Variants in ETV6 observed in about 807,000 individuals in gnomAD.
The protein encoded by ETV6 is transcription factor ETV6.
In ETV6, 16 loss-of-function variants were observed where a neutral mutation model predicts 51.1. The ratio of observed to expected loss-of-function variants is 0.31; its 90% confidence interval spans 0.21 to 0.48. The LOEUF (loss-of-function observed/expected upper bound fraction) is 0.48, where lower values mean the gene tolerates loss of function less well. Ranked by LOEUF, ETV6 falls within the 20% of genes least tolerant of loss-of-function variation. ETV6 has a pLI of 0.99. For synonymous variants in ETV6, 240 were observed against 224.1 expected (o/e 1.07, Z -0.64); for missense variants, 458 against 594.8 (o/e 0.77, Z 2.39).
chr12:11,877,269 T>A (rs1947004640), intron 5 of ETV6, among the ~76,000 whole-genome samples: 1 of 151,874 alleles, frequency 6.6e-6, no homozygotes, highest in African/African-American at 2.4e-5. Flanking sequence ...TGTTTAATGC[T>A]GCTGTGAATT....
intron 1 of ETV6, among the ~76,000 whole-genome samples, chr12:11,654,842 A>G (rs1863971193): frequency 6.6e-6 from 1 of 152,182 alleles, no homozygotes; most frequent in Admixed American, 6.5e-5. Flanking sequence ...TCTTTTATCA[A>G]GGGTCAGACA....
At chr12:11,847,040 C>T (rs774794156) in intron 3 of ETV6, among the ~76,000 whole-genome samples, 6 of 151,968 alleles carry the variant, frequency 3.9e-5, no homozygotes, top group Non-Finnish European at 7.4e-5. Context: ...TGGCAAGGTG[C>T]GGCGGTGAAA....
chr12:11,892,910 G>C lies in ETV6; in HGVS notation c.*1864G>C. On this transcript the variant is annotated 3_prime_UTR_variant, in exon 8 of 8. Coordinates refer to ENST00000396373, the MANE Select transcript of ETV6 (RefSeq NM_001987.5). ...GCTGATCAAGGCTCTCTTCAGCCTT[G>C]CTCTGTCCCTGCCTCTTATCAGAGC... is the stretch of plus-strand genomic sequence containing the variant. The C allele has an allele frequency of 8.6e-6, 2 of 233,036 alleles. No homozygotes were observed. The highest frequency in any genetic ancestry group is 1.7e-5 in the Non-Finnish European group (2 of 117,920). The allele number at this position is 233,036 out of a possible 1,614,324, so 14.4% of individuals were successfully genotyped here. A position where few individuals can be genotyped will look rare whatever the true frequency, so the allele number is the denominator to read the frequency against.
At chr12:11,734,192 A>G (rs1865657695) in intron 1 of ETV6, among the ~76,000 whole-genome samples, 1 of 152,232 alleles carries the variant, frequency 6.6e-6, no homozygotes. Flanking sequence ...TGAAAGTGAT[A>G]TAAACTCCAT....
intron 2 of ETV6, among the ~76,000 whole-genome samples, chr12:11,794,447 G>A (rs1013100496): frequency 6.6e-6 from 1 of 152,182 alleles, no homozygotes; most frequent in Admixed American, 6.5e-5. Context: ...CCTCTCTGCT[G>A]CCTCCGTACT....
At position 11,885,905 on chromosome 12, in the gene ETV6, C is replaced by T. The variant is rs1229296756; in HGVS notation, c.1153-21C>T. The T allele has an allele frequency of 1.9e-6, 3 of 1,576,630 alleles. No individual in the cohort carries two copies. The Admixed American group carries it at 5.1e-5, about 27-fold the overall frequency. Reference sequence around the variant, plus strand: ...TTGTGTCTTTGTGCTTTTTTTCTCCCTTCCTCCTTTGAACAAACAGAACAG... The same window carrying T: ...TTGTGTCTTTGTGCTTTTTTTCTCCTTTCCTCCTTTGAACAAACAGAACAG... On this transcript the variant is annotated intron_variant, in intron 6 of 7. Transcript: ENST00000396373.
At chr12:11,702,878 G>C (rs1865010158) in intron 1 of ETV6, among the ~76,000 whole-genome samples, 2 of 152,094 alleles carry the variant, frequency 1.3e-5, no homozygotes, top group African/African-American at 4.8e-5. Flanking sequence ...GGCTGAGCCG[G>C]GTAGATCGCT....
At position 11,894,792 on chromosome 12, in the gene ETV6, T is replaced by C. The variant is rs536412193; in HGVS notation, c.*3746T>C. The stretch of plus-strand genomic sequence containing the variant: ...TGACTTGCCCTAGGAGCAGACAGCA[T>C]GCCAAGAATGGAATTAGGCTCAGGA... On this transcript the variant is annotated 3_prime_UTR_variant, in exon 8 of 8. Coordinates refer to ENST00000396373, the MANE Select transcript of ETV6 (RefSeq NM_001987.5). The C allele has an allele frequency of 1.6e-4, 38 of 233,432 alleles. No individual in the cohort carries two copies. Among genetic ancestry groups the C allele is most frequent in the African/African-American group, 8.1e-4 (37 of 45,450 alleles). 14.5% of individuals were successfully genotyped at this position (233,432 alleles called of 1,614,324 possible). A position where few individuals can be genotyped will look rare whatever the true frequency, so the allele number is the denominator to read the frequency against.
intron 1 of ETV6, among the ~76,000 whole-genome samples, chr12:11,727,547 G>A (rs1379208644): frequency 6.6e-6 from 1 of 152,226 alleles, no homozygotes; most frequent in Non-Finnish European, 1.5e-5. Context: ...CAGAGAAGAA[G>A]AAGTAAGACC....
At chr12:11,729,786 A>AT (rs971822557) in intron 1 of ETV6, among the ~76,000 whole-genome samples, 1 of 152,162 alleles carries the variant, frequency 6.6e-6, no homozygotes, top group African/African-American at 2.4e-5. Flanking sequence ...TCTTTAAAAA[A>AT]TTTTTTTATC....
intron 2 of ETV6, among the ~76,000 whole-genome samples, chr12:11,767,240 A>G (rs917746145): frequency 6.6e-6 from 1 of 152,206 alleles, no homozygotes; most frequent in African/African-American, 2.4e-5. Context: ...CCTTATCTCT[A>G]AAATGGGTAC....
At chr12:11,859,131 T>C (rs1229970447) in intron 4 of ETV6, among the ~76,000 whole-genome samples, 914 of 47,212 alleles carry the variant, frequency 0.019, 317 homozygotes, top group Non-Finnish European at 0.027. Context: ...TTTTTTTTTT[T>C]TTTTTTTTTT....
chr12:11,781,985 T>A (rs865779583), intron 2 of ETV6, among the ~76,000 whole-genome samples: 1 of 152,226 alleles, frequency 6.6e-6, no homozygotes, highest in Non-Finnish European at 1.5e-5. Flanking sequence ...TTAACAAGTA[T>A]ATTGTGATTA....
rs531422050 is a variant in ETV6, at chr12:11,852,771, CAACTATT to C, written c.329-653_329-647del. 3.6e-4 allele frequency among the ~76,000 whole-genome samples: 55 copies of C among 152,304 alleles called. 1 individual carries two copies. Among genetic ancestry groups the C allele is most frequent in the South Asian group, 3.5e-3 (17 of 4,822 alleles). On this transcript the variant is annotated intron_variant, in intron 3 of 7. Coordinates refer to ENST00000396373, the MANE Select transcript of ETV6 (RefSeq NM_001987.5). Reference sequence around the variant, plus strand: ...TAATGTGGAGGGAAAAGAGGATACTCAACTATTAAAAGCCCGCTTCTAACTATAGAAC... The same window carrying C: ...TAATGTGGAGGGAAAAGAGGATACTCAAAAGCCCGCTTCTAACTATAGAAC...
chr12:11,821,374 A>G (rs1258250871), intron 2 of ETV6, among the ~76,000 whole-genome samples: 1 of 152,044 alleles, frequency 6.6e-6, no homozygotes, highest in Admixed American at 6.5e-5. Flanking sequence ...TCAAAAAAAT[A>G]AAGAAAGAAA....
chr12:11,798,158 G>A lies in ETV6; in HGVS notation c.164-40982G>A, dbSNP rs570364295. On this transcript the variant is annotated intron_variant, in intron 2 of 7. Coordinates refer to ENST00000396373, the MANE Select transcript of ETV6 (RefSeq NM_001987.5). The stretch of plus-strand genomic sequence containing the variant: ...AACTTGTAATTCGTTGGGGAAGACA[G>A]ATAAGTAACCAACAAATTAGAACGT... Among the ~76,000 whole-genome samples, 6 of 152,334 alleles carry A rather than the reference G, an allele frequency of 3.9e-5. No homozygotes were observed. The South Asian group carries it at 1.2e-3, about 32-fold the overall frequency.
intron 2 of ETV6, among the ~76,000 whole-genome samples, chr12:11,756,388 TTCTTCTTCC>T (rs1209870884): frequency 6.6e-6 from 1 of 152,210 alleles, no homozygotes; most frequent in African/African-American, 2.4e-5. Context: ...TCATTTTTTC[TTCTTCTTCC>T]TCTTCTTCCA....
At chr12:11,731,605 C>T (rs144044289) in intron 1 of ETV6, among the ~76,000 whole-genome samples, 107 of 151,908 alleles carry the variant, frequency 7.0e-4, no homozygotes, top group Non-Finnish European at 1.2e-3. Flanking sequence ...AAACATGGGA[C>T]GGAACAGGAA....
At chr12:11,840,789 C>T (rs1946378041) in intron 3 of ETV6, 1 of 284,082 alleles carries the variant, frequency 3.5e-6, no homozygotes, top group African/African-American at 2.2e-5. Context: ...AACATTTTGT[C>T]TCATATCATC....
Sources: gnomAD v4.1 joint callset for allele counts (sites outside exome capture counted in the v4.1 genomes callset) on GRCh38, gnomAD v4.1.1 for gene constraint, MANE v1.5 for transcripts, NCBI Gene and HGNC (gene_info 2026-07-23, HGNC 2026-07-21) for gene names.